SDHA: variants seen among roughly 807,000 people sequenced by gnomAD.
SDHA encodes succinate dehydrogenase [ubiquinone] flavoprotein subunit, mitochondrial.
SDHA carries 48 observed loss-of-function variants against 78.4 expected under a neutral mutation model. The observed-to-expected ratio is 0.61, with a 90% CI of 0.49 to 0.78. SDHA has a LOEUF of 0.78. Among genes scored for constraint, SDHA ranks in the 30% least tolerant of loss-of-function variants. SDHA has a pLI of 0.00. For missense variants in SDHA, 680 were observed against 892.7 expected, an observed-to-expected ratio of 0.76 and a Z score of 3.04; for synonymous variants, 326 against 353.9, an observed-to-expected ratio of 0.92 and a Z score of 0.88.
downstream of SDHA, among the ~76,000 whole-genome samples, chr5:261,747 G>T (rs1165050470): frequency 5.3e-4 from 10 of 19,026 alleles, no homozygotes; most frequent in Non-Finnish European, 5.9e-4. Flanking sequence ...TCCCGGCAGA[G>T]CATTACCGTG....
chr5:223,624 G>A (rs1186053546), intron 2 of SDHA, 56 bp downstream of exon 2: 6 of 1,325,818 alleles, frequency 4.5e-6, no homozygotes, highest in Non-Finnish European at 6.5e-6. Flanking sequence ...AGGGGGTAAG[G>A]ATCTATACCA....
At chr5:229,443 CAT>C (rs1005878764) in intron 6 of SDHA, among the ~76,000 whole-genome samples, 31 of 152,204 alleles carry the variant, frequency 2.0e-4, no homozygotes, top group Non-Finnish European at 1.5e-4. Flanking sequence ...GAAATCCTGT[CAT>C]GTGTGACAAC....
downstream of SDHA, among the ~76,000 whole-genome samples, chr5:259,338 C>T (rs376238167): frequency 8.2e-3 from 226 of 27,614 alleles, no homozygotes; most frequent in Admixed American, 0.013. Flanking sequence ...GAGCTCCGCC[C>T]CCCGCCAGAG....
chr5:251,600 C>T (rs1736839685), intron 13 of SDHA, 132 bp downstream of exon 13: 23 of 1,551,026 alleles, frequency 1.5e-5, no homozygotes, highest in Non-Finnish European at 1.5e-5. Flanking sequence ...CCTTTTTCCC[C>T]CCTGGTAACT....
chr5:246,117 C>G (rs775284541), intron 11 of SDHA, among the ~76,000 whole-genome samples: 1 of 152,102 alleles, frequency 6.6e-6, no homozygotes, highest in Non-Finnish European at 1.5e-5. Context: ...TGCAGCTGAT[C>G]GAAAAGCAAG....
chr5:233,035 G>A (rs1286081775), intron 7 of SDHA, among the ~76,000 whole-genome samples: 1 of 152,226 alleles, frequency 6.6e-6, no homozygotes, highest in Non-Finnish European at 1.5e-5. Context: ...CAAGTGCAGT[G>A]TAAATATTAT....
intron 7 of SDHA, among the ~76,000 whole-genome samples, chr5:231,950 C>T (rs1442083177): frequency 6.6e-6 from 1 of 152,148 alleles, no homozygotes; most frequent in South Asian, 2.1e-4. Context: ...ATGTGCAATT[C>T]GGAGACATTA....
downstream of SDHA, among the ~76,000 whole-genome samples, chr5:257,398 C>G (rs537650958): frequency 3.6e-4 from 52 of 143,690 alleles, 1 homozygote; most frequent in African/African-American, 1.5e-3. Flanking sequence ...CCGCCCCCTG[C>G]CAGAGCATTA....
chr5:230,881 A>G lies in SDHA; in HGVS notation c.776A>G (p.Tyr259Cys), dbSNP rs1579397049. ...CTGCTCTCTATTGTTTCCAGAGGCT[A>G]CGGGCGCACCTACTTCAGCTGCACG... ...AKNTVVATGG[Y>C]GRTYFSCTSA... The change falls in exon 7 of 15, where the codon TAC (tyrosine) becomes TGC (cysteine). Residue 259 changes from tyrosine (Y) to cysteine (C), a missense_variant. Physicochemically the swap from Tyr to Cys is radical, Grantham distance 194. Transcript: ENST00000264932. 1 of 1,613,698 alleles carries G rather than the reference A, an allele frequency of 6.2e-7. No homozygotes were observed. The highest frequency in any genetic ancestry group is 1.7e-5 in the Admixed American group (1 of 59,986).
chr5:256,624 T>A lies in SDHA; in HGVS notation c.*204T>A. 1 of 592,874 alleles carries A rather than the reference T, an allele frequency of 1.7e-6. No individual in the cohort carries two copies. Among genetic ancestry groups the A allele is most frequent in the South Asian group, 2.0e-5 (1 of 49,404 alleles). The allele number at this position is 592,874 out of a possible 1,614,324, so 36.7% of individuals were successfully genotyped here. The stretch of plus-strand genomic sequence containing the variant: ...GTGGCACTTACCTTTGTCCCTTGCT[T>A]CATTCTTGTGAGATGATAAAACTGG... On this transcript the variant is annotated 3_prime_UTR_variant, in exon 15 of 15. Transcript: ENST00000264932.
At chr5:257,153 T>G (rs1356209895), downstream of SDHA, among the ~76,000 whole-genome samples, 1 of 152,198 alleles carries the variant, frequency 6.6e-6, no homozygotes, top group Admixed American at 6.5e-5. Flanking sequence ...TGGAGAAAAC[T>G]AACATTTCCT....
downstream of SDHA, among the ~76,000 whole-genome samples, chr5:258,686 C>G (rs1222679647): frequency 9.3e-6 from 1 of 107,528 alleles, no homozygotes; most frequent in East Asian, 2.6e-4. Flanking sequence ...CACAGCATTA[C>G]CGTGTGAGCT....
At chr5:258,461 C>T (rs1387358297), downstream of SDHA, among the ~76,000 whole-genome samples, 1 of 117,226 alleles carries the variant, frequency 8.5e-6, no homozygotes, top group East Asian at 2.3e-4. Context: ...CTTGTCAGAG[C>T]ATTACCGTGT....
At chr5:267,170 G>A in the SDHA span, among the ~76,000 whole-genome samples, 6 of 152,224 alleles carry the variant, frequency 3.9e-5, no homozygotes, top group Non-Finnish European at 8.8e-5. Context: ...AAAATTAAAA[G>A]TGGTAAGTCA....
chr5:233,848 A>G, intron 8 of SDHA: 1 of 554,248 alleles, frequency 1.8e-6, no homozygotes. Context: ...TTCTTTCTCA[A>G]ATCTGTGGAA....
At chr5:253,746 T>A (rs959200874) in intron 13 of SDHA, among the ~76,000 whole-genome samples, 2 of 152,112 alleles carry the variant, frequency 1.3e-5, no homozygotes, top group South Asian at 2.1e-4. Flanking sequence ...GTGCATAAAT[T>A]TAGTTGGTCA....
intron 11 of SDHA, chr5:249,963 A>T (rs1263441388): frequency 6.6e-6 from 1 of 152,260 alleles, no homozygotes; most frequent in Non-Finnish European, 1.5e-5. Flanking sequence ...ATGTGCCAGC[A>T]GTAGTCTGCT....
At chr5:257,849 T>G (rs1176754189), downstream of SDHA, among the ~76,000 whole-genome samples, 5 of 20,052 alleles carry the variant, frequency 2.5e-4, no homozygotes, top group South Asian at 3.8e-3. Flanking sequence ...AGCATTACTG[T>G]GTGAGCTCCG....
downstream of SDHA, among the ~76,000 whole-genome samples, chr5:257,455 G>A (rs1186676115): frequency 6.7e-5 from 9 of 133,348 alleles, no homozygotes; most frequent in African/African-American, 1.8e-4. Context: ...AGCTCCGCCT[G>A]CTGCCAGAGC....
Sources: allele counts gnomAD v4.1 joint callset (sites outside exome capture counted in the v4.1 genomes callset), GRCh38; gene constraint gnomAD v4.1.1; transcripts MANE v1.5; gene names NCBI Gene and HGNC (gene_info 2026-07-23, HGNC 2026-07-21).